The following GRHL2 variants were observed in gnomAD, a reference collection of about 807,000 sequenced individuals.
The protein encoded by GRHL2 is grainyhead-like protein 2 homolog.
A neutral mutation model predicts 83.8 loss-of-function variants in GRHL2; 21 were observed. The ratio of observed to expected loss-of-function variants is 0.25; its 90% CI spans 0.18 to 0.36. GRHL2 has a LOEUF of 0.36. GRHL2 is among the 10% of genes least tolerant of loss of function. The pLI is 1.00. For missense variants in GRHL2, 623 were observed against 781.8 expected (o/e 0.80, Z 2.42); for synonymous variants, 280 against 278.9 (o/e 1.00, Z -0.04).
rs1331791799 is a variant in GRHL2 at position 101,598,950 on chromosome 8, G to GA, written c.1004-102dup. 8 of 780,738 alleles carry GA rather than the reference G, an allele frequency of 1.0e-5. No homozygotes were observed. The African/African-American group carries it at 1.2e-4, about 12-fold the overall frequency. 48.4% of individuals were successfully genotyped at this position (780,738 alleles called of 1,614,324 possible). A position where few individuals can be genotyped will look rare whatever the true frequency, so the allele number is the denominator to read the frequency against. On this transcript the variant is annotated intron_variant, in intron 7 of 15. Transcript: ENST00000646743. ...TTAACTGTTAGCATGGAGATAGCCT[G>GA]AAAAATAAACGAAGTTTAAATTTAC...
chr8:101,516,410 CTTTTTTTTTT>C (rs33990862), intron 1 of GRHL2, among the ~76,000 whole-genome samples: 6 of 86,004 alleles, frequency 7.0e-5, no homozygotes, highest in Non-Finnish European at 1.1e-4. Flanking sequence ...ACCTCTTTTC[CTTTTTTTTTT>C]TTTTTTTTTT....
chr8:101,503,528 A>G (rs959527587), intron 1 of GRHL2, among the ~76,000 whole-genome samples: 1 of 152,226 alleles, frequency 6.6e-6, no homozygotes, highest in Admixed American at 6.5e-5. Context: ...TTTATCATAA[A>G]CTTTCTGGAA....
intron 1 of GRHL2, among the ~76,000 whole-genome samples, chr8:101,532,646 G>C (rs747756838): frequency 2.0e-5 from 3 of 151,672 alleles, no homozygotes; most frequent in Non-Finnish European, 4.4e-5. Flanking sequence ...GCTACTCGGC[G>C]GGGGGGCTGA....
downstream of GRHL2, among the ~76,000 whole-genome samples, chr8:101,671,504 C>A (rs144378650): frequency 1.2e-4 from 18 of 152,276 alleles, no homozygotes; most frequent in East Asian, 3.5e-3. Context: ...TGCAATTGCC[C>A]AGGCTTGATT....
At chr8:101,496,296 T>A (rs1385772741) in intron 1 of GRHL2, among the ~76,000 whole-genome samples, 1 of 152,202 alleles carries the variant, frequency 6.6e-6, no homozygotes, top group African/African-American at 2.4e-5. Context: ...AGGTCTCTCA[T>A]GTGGATAACA....
chr8:101,589,903 T>C (rs919488154), intron 7 of GRHL2, among the ~76,000 whole-genome samples: 9 of 152,134 alleles, frequency 5.9e-5, no homozygotes, highest in Non-Finnish European at 8.8e-5. Flanking sequence ...GCCTCTGGCA[T>C]GTATGTAGAT....
intron 7 of GRHL2, among the ~76,000 whole-genome samples, chr8:101,586,197 A>G (rs1390936319): frequency 6.6e-6 from 1 of 150,408 alleles, no homozygotes; most frequent in Non-Finnish European, 1.5e-5. Context: ...CTCCTGCCTC[A>G]GCCTCCCGAG....
chr8:101,603,097 C>G (rs1248637727), intron 8 of GRHL2, among the ~76,000 whole-genome samples: 1 of 152,128 alleles, frequency 6.6e-6, no homozygotes. Context: ...CAGAAACCAC[C>G]TTGATCCAAA....
At chr8:101,632,745 A>C (rs145494504) in intron 11 of GRHL2, among the ~76,000 whole-genome samples, 41 of 152,248 alleles carry the variant, frequency 2.7e-4, no homozygotes, top group Non-Finnish European at 4.7e-4. Flanking sequence ...ATAAAGTTGC[A>C]CAAGAGGGAA....
At chr8:101,583,549 G>T (rs1007933538) in intron 7 of GRHL2, among the ~76,000 whole-genome samples, 2 of 152,144 alleles carry the variant, frequency 1.3e-5, no homozygotes, top group African/African-American at 4.8e-5. Flanking sequence ...TCAGCCAGGG[G>T]CATGTTGATT....
In GRHL2 at chr8:101,515,939, T is replaced by A. The variant is rs111841753; in HGVS notation, c.20+23150T>A. On this transcript the variant is annotated intron_variant, in intron 1 of 15. Coordinates refer to ENST00000646743, the MANE Select transcript of GRHL2 (RefSeq NM_024915.4). ...TGGATAACTCAATTCTCGAATGACATCTGTGAGGGTTCATGAGAAAATGGG... is the reference window on the plus strand; with the variant it reads ...TGGATAACTCAATTCTCGAATGACAACTGTGAGGGTTCATGAGAAAATGGG... Among the ~76,000 whole-genome samples the A allele has an allele frequency of 5.3e-3, 807 of 152,302 alleles. 3 individuals are homozygous for A. The highest frequency in any genetic ancestry group is 0.018 in the African/African-American group (767 of 41,564).
intron 13 of GRHL2, 152 bp from the exon 14 acceptor site, chr8:101,649,262 C>G (rs1045083999): frequency 1.3e-5 from 9 of 694,828 alleles, no homozygotes; most frequent in Admixed American, 1.2e-4. Context: ...TCTCAGTCAC[C>G]CTTGTTGAAT....
intron 1 of GRHL2, among the ~76,000 whole-genome samples, chr8:101,522,995 C>T (rs901623643): frequency 1.1e-4 from 17 of 151,430 alleles, no homozygotes; most frequent in Middle Eastern, 3.2e-3. Flanking sequence ...CTGCAACCTC[C>T]GCCTCCCTGG....
At chr8:101,636,836 C>T (rs370489241) in intron 11 of GRHL2, 61 bp from the exon 12 acceptor site, 14 of 1,451,454 alleles carry the variant, frequency 9.6e-6, no homozygotes, top group East Asian at 4.5e-5. Context: ...CTGTACATCA[C>T]GTAATATTTT....
chr8:101,621,231 C>T (rs1812958731), intron 9 of GRHL2, among the ~76,000 whole-genome samples: 1 of 152,106 alleles, frequency 6.6e-6, no homozygotes, highest in Admixed American at 6.5e-5. Flanking sequence ...CTGACTTCCC[C>T]ATGAATAATG....
chr8:101,509,532 G>T (rs975091948), intron 1 of GRHL2, among the ~76,000 whole-genome samples: 2 of 152,114 alleles, frequency 1.3e-5, no homozygotes, highest in Non-Finnish European at 2.9e-5. Flanking sequence ...TGTCTTAAAA[G>T]TGTTGATGGC....
Position 101,558,729 on chromosome 8 carries a change from A to C in GRHL2, c.595A>C (p.Thr199Pro). ...TCAGTATGACGTGCCCTCGCTGGCC[A>C]CCCACAGCGCCTATCTCAAAGACGA... ...QTQYDVPSLA[T>P]HSAYLKDDQR... is the part of the protein sequence containing the mutation. The change falls in exon 4 of 16, where the codon ACC (threonine) becomes CCC (proline). Residue 199 changes from threonine to proline, a missense_variant. This residue lies in a region of GRHL2 where 239 missense variants were observed against 240.5 expected (regional missense o/e 0.99). Transcript: ENST00000646743. The C allele has an allele frequency of 6.2e-7, 1 of 1,614,078 alleles. No individual in the cohort carries two copies. Among genetic ancestry groups the C allele is most frequent in the Non-Finnish European group, 8.5e-7 (1 of 1,180,010 alleles).
At position 101,492,632 on chromosome 8, in the gene GRHL2, G is replaced by A; in HGVS notation, c.-138G>A. 1 of 788,608 alleles carries A rather than the reference G, an allele frequency of 1.3e-6. No homozygotes were observed. Among genetic ancestry groups the A allele is most frequent in the Non-Finnish European group, 2.3e-6 (1 of 434,732 alleles). The allele number at this position is 788,608 out of a possible 1,614,324, so 48.9% of individuals were successfully genotyped here. A position where few individuals can be genotyped will look rare whatever the true frequency, so the allele number is the denominator to read the frequency against. The stretch of plus-strand genomic sequence containing the variant: ...GCGAGCGAGAGTGGTGAGGGGGGAC[G>A]GAAAAGCAGAATTACCTGTAGCTCT... On this transcript the variant is annotated 5_prime_UTR_variant, in exon 1 of 16. Coordinates refer to ENST00000646743, the MANE Select transcript of GRHL2 (RefSeq NM_024915.4).
At chr8:101,649,973 C>T (rs748664327) in intron 14 of GRHL2, among the ~76,000 whole-genome samples, 25 of 152,124 alleles carry the variant, frequency 1.6e-4, no homozygotes, top group Admixed American at 2.6e-4. Flanking sequence ...TCTAGTATTA[C>T]CCAACTTGGG....
Sources: allele counts gnomAD v4.1 joint callset (sites outside exome capture counted in the v4.1 genomes callset), GRCh38; gene constraint gnomAD v4.1.1; regional missense constraint gnomAD v4.1.1; transcripts MANE v1.5; gene names NCBI Gene and HGNC (gene_info 2026-07-23, HGNC 2026-07-21).